The following RUNX1T1 variants were observed in gnomAD, a reference collection of about 807,000 sequenced individuals.
The protein encoded by RUNX1T1 is protein CBFA2T1.
Under a neutral mutation model 62.8 loss-of-function variants are expected in RUNX1T1, and 4 were observed. The ratio of observed to expected loss-of-function variants is 0.06; its 90% confidence interval spans 0.03 to 0.15. The LOEUF (loss-of-function observed/expected upper bound fraction) is 0.15, where lower values mean the gene tolerates loss of function less well. Among genes scored for constraint, RUNX1T1 ranks in the 10% least tolerant of loss-of-function variants. RUNX1T1 has a pLI of 1.00. For synonymous variants in RUNX1T1, 291 were observed against 286.0 expected (o/e 1.02, Z -0.18); for missense variants, 508 against 754.3 (o/e 0.67, Z 3.82).
intron 1 of RUNX1T1, among the ~76,000 whole-genome samples, chr8:92,024,134 C>T (rs866601894): frequency 3.3e-5 from 5 of 152,150 alleles, no homozygotes; most frequent in Non-Finnish European, 7.3e-5. Flanking sequence ...TCTACAGATT[C>T]CTAGTCAAAC....
upstream of RUNX1T1, among the ~76,000 whole-genome samples, chr8:92,101,025 G>C (rs563800502): frequency 6.6e-6 from 1 of 152,296 alleles, no homozygotes; most frequent in African/African-American, 2.4e-5. Context: ...AGAGAAGCTG[G>C]TCAATTTGTA....
chr8:92,025,288 A>G (rs922279235), intron 1 of RUNX1T1, among the ~76,000 whole-genome samples: 6 of 152,122 alleles, frequency 3.9e-5, no homozygotes, highest in Non-Finnish European at 8.8e-5. Context: ...TTATAACCTT[A>G]AAGTCTGTGC....
At chr8:92,067,235 G>A (rs948523725), upstream of RUNX1T1, among the ~76,000 whole-genome samples, 2 of 152,140 alleles carry the variant, frequency 1.3e-5, no homozygotes, top group African/African-American at 4.8e-5. Context: ...CATTACAGAC[G>A]CGGAAAAGCT....
chr8:92,013,697 G>A (rs545306461), intron 3 of RUNX1T1, among the ~76,000 whole-genome samples: 1 of 152,108 alleles, frequency 6.6e-6, no homozygotes, highest in South Asian at 2.1e-4. Context: ...AAGTGACTTA[G>A]AACGCAAAAA....
rs1217308895 is a variant in RUNX1T1, at chr8:91,960,466, T to C, written c.1510A>G (p.Thr504Ala). 7 of 1,614,098 alleles carry C rather than the reference T, an allele frequency of 4.3e-6. No individual in the cohort carries two copies. The African/African-American group carries it at 5.3e-5, about 12-fold the overall frequency. The change falls in exon 11 of 11, where the codon ACA (threonine) becomes GCA (alanine). Residue 504 changes from threonine to alanine, a missense_variant. Physicochemically the swap from Thr to Ala is moderately conservative, Grantham distance 58. This residue lies in a region of RUNX1T1 where 70 missense variants were observed against 169.6 expected (regional missense o/e 0.41). Transcript: ENST00000396218. ...CAAAATGAGCCACAGTATCGGGCTGTGTTACAGCCACTGCAGGTTTCACTC... is the reference window on the plus strand; with the variant it reads ...CAAAATGAGCCACAGTATCGGGCTGCGTTACAGCCACTGCAGGTTTCACTC...
chr8:92,008,651 A>T (rs1821347407), intron 4 of RUNX1T1, among the ~76,000 whole-genome samples: 1 of 152,154 alleles, frequency 6.6e-6, no homozygotes, highest in Non-Finnish European at 1.5e-5. Flanking sequence ...TTGTGTGCAG[A>T]TGTCTTTTGG....
chr8:92,054,213 G>T (rs1269665541), intron 1 of RUNX1T1, among the ~76,000 whole-genome samples: 2 of 152,068 alleles, frequency 1.3e-5, no homozygotes, highest in East Asian at 3.9e-4. Context: ...TGGTTATCTG[G>T]TTTCCACATT....
intron 3 of RUNX1T1, among the ~76,000 whole-genome samples, chr8:92,013,356 G>C (rs933295017): frequency 1.3e-5 from 2 of 152,148 alleles, no homozygotes; most frequent in African/African-American, 4.8e-5. Flanking sequence ...GGGAGGAGAG[G>C]CAGTTAATGG....
intron 1 of RUNX1T1, among the ~76,000 whole-genome samples, chr8:92,027,482 T>C (rs1825437674): frequency 6.6e-6 from 1 of 152,206 alleles, no homozygotes; most frequent in Admixed American, 6.5e-5. Flanking sequence ...TCCGCTGCCA[T>C]TCAGACCTTT....
chr8:91,997,526 G>A (rs1041377184), intron 5 of RUNX1T1, among the ~76,000 whole-genome samples: 3 of 151,896 alleles, frequency 2.0e-5, no homozygotes, highest in Admixed American at 6.6e-5. Flanking sequence ...TCTGAGTTTC[G>A]ACAGACATTT....
exon 11 of RUNX1T1, chr8:91,960,360 A>G (rs1432151623): frequency 6.2e-7 from 1 of 1,614,038 alleles, no homozygotes; most frequent in Admixed American, 1.7e-5. Flanking sequence ...AGAGGAGCTG[A>G]CTGCAGGTGT....
chr8:92,095,448 G>T, intron 1 of RUNX1T1: 2 of 1,535,420 alleles, frequency 1.3e-6, no homozygotes, highest in Non-Finnish European at 1.7e-6. Flanking sequence ...AGAAGTAAAA[G>T]CCTTGTCAGG....
At chr8:91,987,051 T>C in intron 6 of RUNX1T1, 79 bp from the exon 8 acceptor site, 1 of 912,326 alleles carries the variant, frequency 1.1e-6, no homozygotes, top group Non-Finnish European at 1.8e-6. Flanking sequence ...TAGCAAGGAC[T>C]ATGTGGGCAA....
intron 1 of RUNX1T1, among the ~76,000 whole-genome samples, chr8:92,024,317 T>C (rs1824698838): frequency 6.6e-6 from 1 of 151,944 alleles, no homozygotes; most frequent in Admixed American, 6.6e-5. Flanking sequence ...AAGACCACCC[T>C]GGCCAACATG....
At chr8:91,995,257 A>C (rs1215160634) in intron 5 of RUNX1T1, among the ~76,000 whole-genome samples, 5 of 152,214 alleles carry the variant, frequency 3.3e-5, no homozygotes, top group African/African-American at 1.2e-4. Context: ...CTTCATCCTT[A>C]GATAAACCCT....
intron 2 of RUNX1T1, among the ~76,000 whole-genome samples, chr8:92,015,594 C>T (rs1049184962): frequency 2.0e-5 from 3 of 151,934 alleles, no homozygotes; most frequent in Admixed American, 2.0e-4. Flanking sequence ...TTAATAAGTA[C>T]ATAAAAAGAA....
chr8:91,966,125 A>G (rs1811548329), intron 10 of RUNX1T1, among the ~76,000 whole-genome samples: 1 of 146,734 alleles, frequency 6.8e-6, no homozygotes, highest in African/African-American at 2.5e-5. Context: ...TATTTATAAA[A>G]TATATATATA....
chr8:92,028,521 G>A (rs528803461), intron 1 of RUNX1T1, among the ~76,000 whole-genome samples: 18 of 152,204 alleles, frequency 1.2e-4, no homozygotes, highest in African/African-American at 4.1e-4. Context: ...GGGATCTAAC[G>A]ACTTCACTTC....
At chr8:91,967,267 T>A (rs1417974310) in intron 10 of RUNX1T1, among the ~76,000 whole-genome samples, 1 of 152,126 alleles carries the variant, frequency 6.6e-6, no homozygotes, top group Non-Finnish European at 1.5e-5. Flanking sequence ...TGACTGTGGG[T>A]TCCCATGAGC....
Sources: allele counts gnomAD v4.1 joint callset (sites outside exome capture counted in the v4.1 genomes callset), GRCh38; gene constraint gnomAD v4.1.1; regional missense constraint gnomAD v4.1.1; transcripts MANE v1.5; gene names NCBI Gene and HGNC (gene_info 2026-07-23, HGNC 2026-07-21).